The following CELSR1 variants were observed in gnomAD, a reference collection of about 807,000 sequenced individuals.
CELSR1 encodes cadherin EGF LAG seven-pass G-type receptor 1, also known as adhesion G protein-coupled receptor C1.
CELSR1 carries 110 observed loss-of-function variants against 249.1 expected under a neutral mutation model. That is an observed-to-expected ratio of 0.44 (90% CI 0.38 to 0.52). The LOEUF (loss-of-function observed/expected upper bound fraction) is 0.52, where lower values mean the gene tolerates loss of function less well. CELSR1 is among the 20% of genes least tolerant of loss of function. CELSR1 has a pLI of 0.00. For synonymous variants in CELSR1, 2,113 were observed against 1,900.0 expected (o/e 1.11, Z -2.92); for missense variants, 4,109 against 4,296.4 (o/e 0.96, Z 1.22).
At position 46,364,113 on chromosome 22, in the gene CELSR1, C is replaced by G. The variant is rs2078737583; in HGVS notation, c.8918G>C (p.Gly2973Ala). The G allele has an allele frequency of 8.1e-6, 13 of 1,612,242 alleles. No individual in the cohort carries two copies. In the East Asian group the frequency reaches 2.9e-4, roughly 36 times the overall value. ...SSRTSSLGSG[G>A]PDCAITVKSP... is the part of the protein sequence containing the mutation. ...CTTGACTGTGATGGCGCAGTCGGGGCCGCCAGAGCCCAGGGAAGACGTGCG... is the reference window on the plus strand; with the variant it reads ...CTTGACTGTGATGGCGCAGTCGGGGGCGCCAGAGCCCAGGGAAGACGTGCG... The change falls in exon 34 of 35, where the codon GGC (glycine) becomes GCC (alanine). Residue 2973 changes from glycine to alanine, a missense_variant. Physicochemically the swap from Gly to Ala is moderately conservative, Grantham distance 60. Transcript: ENST00000674500.
chr22:46,379,522 C>G (rs1386976979), intron 22 of CELSR1, among the ~76,000 whole-genome samples: 7 of 152,252 alleles, frequency 4.6e-5, no homozygotes, highest in Non-Finnish European at 1.5e-5. Flanking sequence ...CCAAGACAGA[C>G]AGCCGGGCCT....
At position 46,490,675 on chromosome 22, in the gene CELSR1, G is replaced by C. The variant is rs1417556486; in HGVS notation, c.3545-26330C>G. Among the ~76,000 whole-genome samples, 6 of 152,060 alleles carry C rather than the reference G, an allele frequency of 3.9e-5. No individual in the cohort carries two copies. The East Asian group carries it at 9.6e-4, about 24-fold the overall frequency. Reference sequence around the variant, plus strand: ...GTGAGCGCCACAGCTGCAGACTCAGGAAAGTGGTGGGTGTGCGGGGACACT... The same window carrying C: ...GTGAGCGCCACAGCTGCAGACTCAGCAAAGTGGTGGGTGTGCGGGGACACT... On this transcript the variant is annotated intron_variant, in intron 1 of 34. Transcript: ENST00000674500. The surrounding 1 kb of genome is among the most constrained non-coding windows in gnomAD (Gnocchi z 5.2).
intron 26 of CELSR1, 46 bp downstream of exon 26, chr22:46,369,646 A>G (rs2078828529): frequency 1.3e-6 from 2 of 1,563,840 alleles, no homozygotes; most frequent in Non-Finnish European, 1.8e-6. Flanking sequence ...CTTCCAGCTC[A>G]TGCATGTTTG....
rs201495106 is a variant in CELSR1 at position 46,498,249 on chromosome 22, C to CA, written c.3545-33905dup. Among the ~76,000 whole-genome samples, 366 of 57,764 alleles carry CA rather than the reference C, an allele frequency of 6.3e-3. 26 individuals are homozygous for CA. Among genetic ancestry groups the CA allele is most frequent in the Non-Finnish European group, 7.4e-3 (272 of 36,870 alleles). 37.9% of individuals were successfully genotyped at this position (57,764 alleles called of 152,430 possible). ...GGGCAACAAGAGTGAAACTCTGTCT[C>CA]AAAAAAAAAAAAAAAAAAAAAAAAA... On this transcript the variant is annotated intron_variant, in intron 1 of 34. Coordinates refer to ENST00000674500, the MANE Select transcript of CELSR1 (RefSeq NM_001378328.1).
chr22:46,455,132 CA>C (rs1393638286), intron 2 of CELSR1, among the ~76,000 whole-genome samples: 7 of 152,320 alleles, frequency 4.6e-5, no homozygotes, highest in Admixed American at 4.6e-4. Context: ...TGGACGAGGC[CA>C]GGAGAGGCCC....
rs1051017119 is a variant in CELSR1 at position 46,389,453 on chromosome 22, G to A, written c.6392C>T (p.Ala2131Val). 8 of 1,613,042 alleles carry A rather than the reference G, an allele frequency of 5.0e-6. No homozygotes were observed. The African/African-American group carries it at 8.0e-5, about 16-fold the overall frequency. Residue 2131 changes from alanine (A) to valine (V), a missense_variant, in exon 18 of 35, where the codon GCC becomes GTC. Transcript: ENST00000674500. ...GCGCAGCGCCCTCACCAGCTGCAGG[G>A]CCCTGGCGCCGTCCACCTGCGTCTC... is the stretch of plus-strand genomic sequence containing the variant. ...RNETQVDGAR[A>V]LQLVRALRSA...
chr22:46,458,250 A>G (rs2079980140), intron 2 of CELSR1, among the ~76,000 whole-genome samples: 1 of 152,162 alleles, frequency 6.6e-6, no homozygotes, highest in African/African-American at 2.4e-5. Flanking sequence ...GGGTGAGGCT[A>G]GACCTCTGAG....
intron 1 of CELSR1, among the ~76,000 whole-genome samples, chr22:46,482,198 G>A (rs997334128): frequency 1.3e-5 from 2 of 152,208 alleles, no homozygotes; most frequent in Non-Finnish European, 2.9e-5. Flanking sequence ...CATGGCACAG[G>A]GGCACGGCCG....
Position 46,389,957 on chromosome 22 carries a change from A to AAAGAAAC in CELSR1, c.6345+428_6345+434dup, listed in dbSNP as rs544846160. ...ATAGAGTGAGACTCCATCTCCAAAA[A>AAAGAAAC]AAGAAACAAAAAACAAAAAGCCCAA... is the stretch of plus-strand genomic sequence containing the variant. On this transcript the variant is annotated intron_variant, in intron 17 of 34. Transcript: ENST00000674500. 3.7e-3 allele frequency among the ~76,000 whole-genome samples: 567 copies of AAAGAAAC among 152,256 alleles called. 2 individuals carry two copies. The highest frequency in any genetic ancestry group is 0.013 in the African/African-American group (529 of 41,522).
At chr22:46,523,040 T>C (rs1311263260) in intron 1 of CELSR1, among the ~76,000 whole-genome samples, 1 of 152,204 alleles carries the variant, frequency 6.6e-6, no homozygotes, top group Non-Finnish European at 1.5e-5. Flanking sequence ...CCTGCAACAA[T>C]CAACTCACTG....
At chr22:46,450,280 T>G (rs888698800) in intron 2 of CELSR1, among the ~76,000 whole-genome samples, 2 of 152,082 alleles carry the variant, frequency 1.3e-5, no homozygotes, top group Non-Finnish European at 2.9e-5. Context: ...AACAGAGCTG[T>G]GGGGGAGGAC....
rs565858935 is a variant in CELSR1 at position 46,393,062 on chromosome 22, A to G, written c.5964+1080T>C. On this transcript the variant is annotated intron_variant, in intron 14 of 34. Transcript: ENST00000674500. This position sits in a 1 kb window ranked among gnomAD's most constrained non-coding sequence, Gnocchi z 4.1. The stretch of plus-strand genomic sequence containing the variant: ...ACCACCGCAGGCACTGGGGGGGGAC[A>G]CTACTGACATCACGAGATGGCATCC... 2.6e-5 allele frequency among the ~76,000 whole-genome samples: 4 copies of G among 152,118 alleles called. No homozygotes were observed. The highest frequency in any genetic ancestry group is 9.7e-5 in the African/African-American group (4 of 41,420).
chr22:46,451,985 C>T (rs939154869), intron 2 of CELSR1, among the ~76,000 whole-genome samples: 2 of 152,162 alleles, frequency 1.3e-5, no homozygotes, highest in Non-Finnish European at 2.9e-5. Context: ...AGCCGCAAGC[C>T]AAGGCCTGCA....
chr22:46,472,474 A>G lies in CELSR1; in HGVS notation c.3545-8129T>C, dbSNP rs1197886712. 6.6e-6 allele frequency among the ~76,000 whole-genome samples: 1 copy of G among 152,094 alleles called. No individual in the cohort carries two copies. Among genetic ancestry groups the G allele is most frequent in the East Asian group, 1.9e-4 (1 of 5,176 alleles). ...TGATTGGCGGCTGTGGGTGAAGAGC[A>G]GCGCAGCTGATGCTGGACGGCCCCG... On this transcript the variant is annotated intron_variant, in intron 1 of 34. Coordinates refer to ENST00000674500, the MANE Select transcript of CELSR1 (RefSeq NM_001378328.1). This position sits in a 1 kb window ranked among gnomAD's most constrained non-coding sequence, Gnocchi z 7.0.
At chr22:46,476,369 G>A (rs1412180971) in intron 1 of CELSR1, among the ~76,000 whole-genome samples, 1 of 152,122 alleles carries the variant, frequency 6.6e-6, no homozygotes, top group Non-Finnish European at 1.5e-5. Context: ...ACCAAGGTGG[G>A]TGGATTGCCT....
rs2079216680 is a variant in CELSR1 at position 46,402,196 on chromosome 22, T to C, written c.5227-2294A>G. 6.6e-6 allele frequency among the ~76,000 whole-genome samples: 1 copy of C among 151,174 alleles called. No individual in the cohort carries two copies. Among genetic ancestry groups the C allele is most frequent in the South Asian group, 2.1e-4 (1 of 4,796 alleles). ...ATGGAAGATAATGACATCCCCATCATCCCCATTCTAGTTTCTCTTTTTCTT... is the reference window on the plus strand; with the variant it reads ...ATGGAAGATAATGACATCCCCATCACCCCCATTCTAGTTTCTCTTTTTCTT... On this transcript the variant is annotated intron_variant, in intron 9 of 34. Transcript: ENST00000674500. This position sits in a 1 kb window ranked among gnomAD's most constrained non-coding sequence, Gnocchi z 5.0.
In CELSR1 at chr22:46,395,200, C is replaced by A. The variant is rs2147268141; in HGVS notation, c.5844-938G>T. On this transcript the variant is annotated intron_variant, in intron 13 of 34. Transcript: ENST00000674500. The surrounding 1 kb of genome is among the most constrained non-coding windows in gnomAD (Gnocchi z 5.5). ...AGCGTGGGGGCCCCAGAACCTTCAT[C>A]CCCCTGCAGCAGTGGTGACTGTGGC... Among the ~76,000 whole-genome samples, 1 of 152,236 alleles carries A rather than the reference C, an allele frequency of 6.6e-6. No homozygotes were observed. Among genetic ancestry groups the A allele is most frequent in the East Asian group, 1.9e-4 (1 of 5,174 alleles).
chr22:46,459,572 C>CCA (rs1387047886), intron 2 of CELSR1, among the ~76,000 whole-genome samples: 3 of 152,258 alleles, frequency 2.0e-5, no homozygotes, highest in African/African-American at 7.2e-5. Context: ...ACCCCACCCT[C>CCA]CACAGTGCCA....
Position 46,409,895 on chromosome 22 carries a change from C to T in CELSR1, c.4934-15G>A, listed in dbSNP as rs777033219. The T allele has an allele frequency of 1.6e-5, 26 of 1,610,062 alleles. No individual in the cohort carries two copies. Among genetic ancestry groups the T allele is most frequent in the Middle Eastern group, 1.7e-4 (1 of 6,058 alleles). ...AGCAGCGCAGCCTGGCAACACAGAG[C>T]GTGCGGCAGAGCCTGACTCGGAGGA... On this transcript the variant is annotated splice_polypyrimidine_tract_variant and intron_variant, in intron 7 of 34. Coordinates refer to ENST00000674500, the MANE Select transcript of CELSR1 (RefSeq NM_001378328.1). The surrounding 1 kb of genome is among the most constrained non-coding windows in gnomAD (Gnocchi z 9.8).
Sources: allele counts gnomAD v4.1 joint callset (sites outside exome capture counted in the v4.1 genomes callset), GRCh38; gene constraint gnomAD v4.1.1; non-coding constraint Gnocchi (gnomAD v3.1); transcripts MANE v1.5; gene names NCBI Gene and HGNC (gene_info 2026-07-23, HGNC 2026-07-21).